SEMA3A: variants seen among roughly 807,000 people sequenced by gnomAD.
SEMA3A encodes the protein semaphorin-3A.
Under a neutral mutation model 97.9 loss-of-function variants are expected in SEMA3A, and 29 were observed. That is an observed-to-expected ratio of 0.30 (90% CI 0.22 to 0.40). SEMA3A has a LOEUF of 0.40. Among genes scored for constraint, SEMA3A ranks in the 10% least tolerant of loss-of-function variants. The pLI is 1.00. For missense variants in SEMA3A, 763 were observed against 951.3 expected, an observed-to-expected ratio of 0.80 and a Z score of 2.60; for synonymous variants, 321 against 323.7, an observed-to-expected ratio of 0.99 and a Z score of 0.09.
intron 3 of SEMA3A, among the ~76,000 whole-genome samples, chr7:84,302,122 A>G (rs773051942): frequency 8.5e-5 from 13 of 152,192 alleles, no homozygotes; most frequent in Non-Finnish European, 1.8e-4. Context: ...ATCAACTACT[A>G]ATACACATAA....
At chr7:84,127,063 C>G (rs547490642) in intron 3 of SEMA3A, among the ~76,000 whole-genome samples, 3 of 151,588 alleles carry the variant, frequency 2.0e-5, no homozygotes, top group Non-Finnish European at 2.9e-5. Flanking sequence ...AACATTTGCT[C>G]TACTATGAAG....
At chr7:84,321,872 G>GAAAAAAAAAAAAAAAAAAA (rs1156548285) in intron 2 of SEMA3A, among the ~76,000 whole-genome samples, 4 of 12,054 alleles carry the variant, frequency 3.3e-4, no homozygotes, top group Admixed American at 1.2e-3. Context: ...CGAGACTACG[G>GAAAAAAAAAAAAAAAAAAA]AAAAAAAAAA....
intron 2 of SEMA3A, among the ~76,000 whole-genome samples, chr7:84,348,611 T>G (rs563473560): frequency 6.6e-6 from 1 of 152,204 alleles, no homozygotes; most frequent in Non-Finnish European, 1.5e-5. Flanking sequence ...AATATAGTGA[T>G]AAAAGTCAGA....
chr7:84,097,377 T>C lies in SEMA3A; in HGVS notation c.453+13093A>G, dbSNP rs1316520951. Among the ~76,000 whole-genome samples the C allele has an allele frequency of 2.6e-5, 4 of 152,162 alleles. No individual in the cohort carries two copies. The East Asian group carries it at 7.7e-4, about 29-fold the overall frequency. On this transcript the variant is annotated intron_variant, in intron 4 of 16. Transcript: ENST00000265362. ...AGTAATCTATGTTCTTTAGTGTACA[T>C]GCATAGTGAATAGATAAGTATTTTT...
intron 1 of SEMA3A, among the ~76,000 whole-genome samples, chr7:84,465,370 G>A (rs1236917721): frequency 6.6e-6 from 1 of 152,022 alleles, no homozygotes; most frequent in Non-Finnish European, 1.5e-5. Flanking sequence ...TTTGAATGAG[G>A]CTAAAGAACA....
In SEMA3A at chr7:84,253,604, G is replaced by T. The variant is rs1312105511; in HGVS notation, c.-83+53603C>A. On this transcript the variant is annotated intron_variant, in intron 3 of 3. Coordinates refer to the SEMA3A transcript ENST00000424555. ...TATACATGCTTTATATTTAATACAG[G>T]GGGTGCAAAGTTGGGGTGGTTCTTC... 2.6e-5 allele frequency among the ~76,000 whole-genome samples: 4 copies of T among 152,198 alleles called. No individual in the cohort carries two copies. In the South Asian group the frequency reaches 6.2e-4, roughly 24 times the overall value.
chr7:84,082,611 T>C (rs546627447), intron 4 of SEMA3A, among the ~76,000 whole-genome samples: 162 of 152,110 alleles, frequency 1.1e-3, no homozygotes, highest in Non-Finnish European at 1.9e-3. Context: ...GAAAAGGTTA[T>C]ATTTTGTTAA....
chr7:84,140,188 C>A (rs1220841584), intron 1 of SEMA3A, among the ~76,000 whole-genome samples: 1 of 152,066 alleles, frequency 6.6e-6, no homozygotes, highest in Non-Finnish European at 1.5e-5. Context: ...TGATTCACCC[C>A]TACATACCAA....
At chr7:84,479,618 T>C (rs988018764) in intron 1 of SEMA3A, among the ~76,000 whole-genome samples, 3 of 152,158 alleles carry the variant, frequency 2.0e-5, no homozygotes, top group African/African-American at 7.2e-5. Flanking sequence ...AAATATACTA[T>C]GTAGCTCAAG....
chr7:84,047,864 AT>A (rs1344445146), intron 5 of SEMA3A, among the ~76,000 whole-genome samples: 3 of 152,026 alleles, frequency 2.0e-5, no homozygotes, highest in African/African-American at 7.2e-5. Context: ...TGTAAAATTT[AT>A]ATTCATAGTG....
intron 4 of SEMA3A, among the ~76,000 whole-genome samples, chr7:84,091,141 AAGGAAGGAAGGAAGGAAGGAAGGAAG>A (rs1794562639): frequency 4.3e-5 from 1 of 23,392 alleles, no homozygotes; most frequent in African/African-American, 1.5e-4. Context: ...AGAAAGAAGG[AAGGAAGGAAGGAAGGAAGGAAGGAAG>A]GAAAGAAAGA....
At chr7:84,397,882 G>A (rs1803779464) in intron 1 of SEMA3A, among the ~76,000 whole-genome samples, 1 of 152,002 alleles carries the variant, frequency 6.6e-6, no homozygotes. Flanking sequence ...GTGACAAATA[G>A]GCCATGGGGT....
At chr7:84,016,875 T>G (rs931585581) in intron 6 of SEMA3A, among the ~76,000 whole-genome samples, 2 of 152,166 alleles carry the variant, frequency 1.3e-5, no homozygotes, top group African/African-American at 4.8e-5. Context: ...AACTGCAGAA[T>G]AAAAATGAAA....
At chr7:84,193,599 A>G (rs1483977737) in intron 1 of SEMA3A, among the ~76,000 whole-genome samples, 2 of 152,054 alleles carry the variant, frequency 1.3e-5, no homozygotes, top group African/African-American at 4.8e-5. Flanking sequence ...TATGTATATC[A>G]TTTTGGGCTC....
At chr7:84,407,741 A>G (rs1804139463) in intron 1 of SEMA3A, among the ~76,000 whole-genome samples, 3 of 152,208 alleles carry the variant, frequency 2.0e-5, no homozygotes, top group South Asian at 2.1e-4. Flanking sequence ...ATAATGCCAC[A>G]TATCTACAAC....
intron 3 of SEMA3A, among the ~76,000 whole-genome samples, chr7:84,121,345 T>C (rs1295379169): frequency 2.0e-5 from 3 of 151,866 alleles, no homozygotes; most frequent in Admixed American, 6.6e-5. Flanking sequence ...TATCTCCTAA[T>C]GTTATCCCTC....
At chr7:84,426,090 G>A (rs1027041217) in intron 1 of SEMA3A, among the ~76,000 whole-genome samples, 1 of 151,820 alleles carries the variant, frequency 6.6e-6, no homozygotes, top group Non-Finnish European at 1.5e-5. Context: ...AAGGGTGGGA[G>A]GGGCGTGAGG....
intron 5 of SEMA3A, among the ~76,000 whole-genome samples, chr7:84,049,805 C>T (rs916393075): frequency 2.7e-5 from 4 of 150,292 alleles, no homozygotes; most frequent in African/African-American, 4.9e-5. Flanking sequence ...TGCTGGTGTG[C>T]TGCACCCACT....
At chr7:84,296,320 C>T (rs1800869618) in intron 3 of SEMA3A, among the ~76,000 whole-genome samples, 1 of 152,152 alleles carries the variant, frequency 6.6e-6, no homozygotes. Flanking sequence ...AAAATGGCCG[C>T]TTCACATGTG....
Sources: gnomAD v4.1 joint callset for allele counts (sites outside exome capture counted in the v4.1 genomes callset) on GRCh38, gnomAD v4.1.1 for gene constraint, MANE v1.5 for transcripts, NCBI Gene and HGNC (gene_info 2026-07-23, HGNC 2026-07-21) for gene names.